The following DDX59 variants were observed in gnomAD, a reference collection of about 807,000 sequenced individuals.
DDX59 encodes the protein probable ATP-dependent RNA helicase DDX59.
Under a neutral mutation model 51.9 loss-of-function variants are expected in DDX59, and 30 were observed. The ratio of observed to expected loss-of-function variants is 0.58; its 90% CI spans 0.43 to 0.78. The LOEUF is 0.78. Among genes scored for constraint, DDX59 ranks in the 30% least tolerant of loss-of-function variants. The pLI, the probability that DDX59 is intolerant of heterozygous loss-of-function variation, is 0.00. For missense variants in DDX59, 672 were observed against 730.8 expected, an observed-to-expected ratio of 0.92 and a Z score of 0.93; for synonymous variants, 255 against 253.3, an observed-to-expected ratio of 1.01 and a Z score of -0.06.
At chr1:200,665,483 C>CCAAAAA (rs1662662577) in intron 2 of DDX59, among the ~76,000 whole-genome samples, 1 of 88,148 alleles carries the variant, frequency 1.1e-5, no homozygotes, top group Admixed American at 1.2e-4. Context: ...AACTCGGTCC[C>CCAAAAA]AAAAAAAGAA....
At chr1:200,665,809 G>T (rs1662688009) in intron 2 of DDX59, 128 bp downstream of exon 2, 1 of 936,778 alleles carries the variant, frequency 1.1e-6, no homozygotes, top group Non-Finnish European at 1.6e-6. Context: ...ATCACTACAG[G>T]CACTAGTGAC....
At chr1:200,646,371 C>T (rs1051614663) in intron 7 of DDX59, among the ~76,000 whole-genome samples, 11 of 151,976 alleles carry the variant, frequency 7.2e-5, no homozygotes, top group Non-Finnish European at 1.3e-4. Context: ...ACTTGCAAAT[C>T]ATGTTTTTGG....
At chr1:200,648,275 C>T (rs1000690704) in intron 7 of DDX59, among the ~76,000 whole-genome samples, 164 bp downstream of exon 7, 1 of 152,042 alleles carries the variant, frequency 6.6e-6, no homozygotes, top group Admixed American at 6.6e-5. Context: ...GTGATCCATC[C>T]ATTTCGAGTG....
downstream of DDX59, among the ~76,000 whole-genome samples, chr1:200,642,855 C>G (rs548246277): frequency 1.3e-5 from 2 of 152,166 alleles, no homozygotes; most frequent in East Asian, 3.9e-4. Context: ...GGGTGGCCCA[C>G]AATGACCGAC....
intron 6 of DDX59, among the ~76,000 whole-genome samples, 174 bp from the exon 7 acceptor site, chr1:200,648,741 A>T (rs1661458680): frequency 6.6e-6 from 1 of 152,172 alleles, no homozygotes; most frequent in East Asian, 1.9e-4. Context: ...ATTCTCCCCA[A>T]TCCCCATGGA....
intron 7 of DDX59, among the ~76,000 whole-genome samples, chr1:200,646,823 A>T (rs1558113435): frequency 6.6e-6 from 1 of 152,390 alleles, no homozygotes; most frequent in East Asian, 1.9e-4. Flanking sequence ...AGCCTGATTC[A>T]TAGGAGCCAA....
chr1:200,664,110 T>C, intron 2 of DDX59, 24 bp from the exon 3 acceptor site: 1 of 1,598,540 alleles, frequency 6.3e-7, no homozygotes, highest in Non-Finnish European at 8.5e-7. Context: ...AAAAACAAGT[T>C]TAAAAACACC....
chr1:200,669,056 G>A (rs1240549124), intron 1 of DDX59, among the ~76,000 whole-genome samples: 1 of 152,104 alleles, frequency 6.6e-6, no homozygotes, highest in Admixed American at 6.5e-5. Context: ...ACTGTCACTG[G>A]CCATGGTCAC....
chr1:200,652,349 G>A (rs1223643258), intron 4 of DDX59, among the ~76,000 whole-genome samples: 2 of 152,084 alleles, frequency 1.3e-5, no homozygotes, highest in African/African-American at 2.4e-5. Flanking sequence ...CCACTAATGT[G>A]CTGTCATCCA....
chr1:200,662,195 T>C (rs1662419114), intron 3 of DDX59, among the ~76,000 whole-genome samples: 1 of 152,214 alleles, frequency 6.6e-6, no homozygotes. Flanking sequence ...AAGCATGGAC[T>C]AATACACAAT....
Position 200,666,438 on chromosome 1 carries a change from T to C in DDX59, c.303A>G (p.Ala101=), listed in dbSNP as rs1308090663. The C allele has an allele frequency of 2.2e-5, 36 of 1,614,094 alleles. No individual in the cohort carries two copies. Among genetic ancestry groups the C allele is most frequent in the Non-Finnish European group, 3.1e-5 (36 of 1,180,048 alleles). ...CAACACAGATGGGTTCCCCTGGTTC[T>C]GCCCAGCGCTGTGTTTTGGAAAATG... ...VKSFSKTQRW[A]EPGEPICVVC... is the part of the protein sequence containing the mutation. Residue 101 remains alanine (A), a synonymous_variant, in exon 2 of 8, where the codon GCA becomes GCG. Transcript: ENST00000331314.
intron 3 of DDX59, among the ~76,000 whole-genome samples, chr1:200,662,665 A>T (rs1345631127): frequency 6.6e-6 from 1 of 152,194 alleles, no homozygotes; most frequent in African/African-American, 2.4e-5. Flanking sequence ...ACATTAACAT[A>T]TATTTTTTTA....
chr1:200,644,768 A>G (rs967882800), intron 7 of DDX59, among the ~76,000 whole-genome samples: 4 of 151,946 alleles, frequency 2.6e-5, no homozygotes, highest in African/African-American at 7.3e-5. Flanking sequence ...GGTGGCAAAC[A>G]CCTGTAAATT....
At chr1:200,641,250 T>G, downstream of DDX59, 1 of 1,303,000 alleles carries the variant, frequency 7.7e-7, no homozygotes, top group South Asian at 1.2e-5. Context: ...ACCCAAATAA[T>G]ATTCAGCTGC....
Position 200,664,008 on chromosome 1 carries a change from T to C in DDX59, c.883A>G (p.Met295Val). 1 of 1,614,246 alleles carries C rather than the reference T, an allele frequency of 6.2e-7. No homozygotes were observed. The highest frequency in any genetic ancestry group is 8.5e-7 in the Non-Finnish European group (1 of 1,180,030). ...GTTTTCATGCGTGGCAGGCCACTCA[T>C]CAATTCTTTAGCTTGTCTCTCTATC... is the stretch of plus-strand genomic sequence containing the variant. ...IQIERQAKELMSGLPRMKTVL... is the reference protein window; with the variant it reads ...IQIERQAKELVSGLPRMKTVL... Residue 295 changes from methionine to valine, a missense_variant, in exon 3 of 8, where the codon ATG becomes GTG. Physicochemically the swap from Met to Val is conservative, Grantham distance 21. Coordinates refer to ENST00000331314, the MANE Select transcript of DDX59 (RefSeq NM_001031725.6).
intron 7 of DDX59, among the ~76,000 whole-genome samples, chr1:200,646,404 G>C (rs1273580141): frequency 1.3e-5 from 2 of 151,188 alleles, no homozygotes; most frequent in African/African-American, 4.9e-5. Context: ...AGTATACAAA[G>C]AACTTTCACA....
At position 200,648,036 on chromosome 1, in the gene DDX59, G is replaced by C. The variant is rs553910589; in HGVS notation, c.1596+403C>G. ...TTTATACACTGCTTTTTTTTGGGGG[G>C]GGGGAGGGGGGAATGAAGTCTCTGT... On this transcript the variant is annotated intron_variant, in intron 7 of 7. Transcript: ENST00000331314. 1.6e-3 allele frequency among the ~76,000 whole-genome samples: 227 copies of C among 142,680 alleles called. 1 individual carries two copies. The highest frequency in any genetic ancestry group is 5.0e-3 in the African/African-American group (196 of 38,992). The allele number at this position is 142,680 out of a possible 152,430, so 93.6% of individuals were successfully genotyped here. A position where few individuals can be genotyped will look rare whatever the true frequency, so the allele number is the denominator to read the frequency against.
At chr1:200,665,405 C>T (rs1662654900) in intron 2 of DDX59, among the ~76,000 whole-genome samples, 1 of 151,692 alleles carries the variant, frequency 6.6e-6, no homozygotes. Flanking sequence ...ATCACTTGAA[C>T]CTGGGAGGCA....
At chr1:200,662,274 C>G (rs1662424839) in intron 3 of DDX59, among the ~76,000 whole-genome samples, 1 of 152,110 alleles carries the variant, frequency 6.6e-6, no homozygotes, top group Non-Finnish European at 1.5e-5. Flanking sequence ...AGCAATCATA[C>G]TGTAAAGTAT....
Sources: gnomAD v4.1 joint callset for allele counts (sites outside exome capture counted in the v4.1 genomes callset) on GRCh38, gnomAD v4.1.1 for gene constraint, MANE v1.5 for transcripts, NCBI Gene and HGNC (gene_info 2026-07-23, HGNC 2026-07-21) for gene names.